The following PCDHA5 variants were observed in gnomAD, a reference collection of about 807,000 sequenced individuals.
The protein encoded by PCDHA5 is protocadherin alpha 5.
In PCDHA5, 43 loss-of-function variants were observed where a neutral mutation model predicts 61.6. The observed-to-expected ratio is 0.70, with a 90% CI of 0.55 to 0.90. PCDHA5 has a LOEUF of 0.90. Among genes scored for constraint, PCDHA5 ranks in the 40% least tolerant of loss-of-function variants. The pLI, the probability that PCDHA5 is intolerant of heterozygous loss-of-function variation, is 0.00. For synonymous variants in PCDHA5, 627 were observed against 543.9 expected, an observed-to-expected ratio of 1.15 and a Z score of -2.13; for missense variants, 1,298 against 1,222.7, an observed-to-expected ratio of 1.06 and a Z score of -0.92.
In PCDHA5 at chr5:140,821,880, G is replaced by A. The variant is rs2150111608; in HGVS notation, c.105G>A (p.Pro35=). ...AGSGQLHYSI[P]EEAKHGTFVG... is the part of the protein sequence containing the mutation. The stretch of plus-strand genomic sequence containing the variant: ...GCGGCCAGCTCCACTACTCGATCCC[G>A]GAGGAAGCCAAACACGGAACCTTCG... The change falls in exon 1 of 4, where the codon CCG becomes CCA. Residue 35 remains proline, a synonymous_variant. Coordinates refer to ENST00000529859, the MANE Select transcript of PCDHA5 (RefSeq NM_018908.3). 2.5e-6 allele frequency: 4 copies of A among 1,614,104 alleles called. No homozygotes were observed. The highest frequency in any genetic ancestry group is 3.4e-6 in the Non-Finnish European group (4 of 1,180,042).
At chr5:140,857,283 T>C in intron 1 of PCDHA5, 1 of 1,598,740 alleles carries the variant, frequency 6.3e-7, no homozygotes, top group Non-Finnish European at 8.6e-7. Context: ...GACAGCGCTC[T>C]GGACCGCGAG....
chr5:140,883,642 C>G (rs200197885), intron 1 of PCDHA5: 55 of 1,613,904 alleles, frequency 3.4e-5, no homozygotes, highest in East Asian at 2.0e-4. Flanking sequence ...TCGCGCAGCC[C>G]GAGTACACGG....
chr5:141,000,805 G>C (rs1049253262), intron 3 of PCDHA5, among the ~76,000 whole-genome samples: 2 of 151,852 alleles, frequency 1.3e-5, no homozygotes, highest in Non-Finnish European at 2.9e-5. Context: ...TACTCAGAAG[G>C]CTGAGGTGGG....
intron 3 of PCDHA5, among the ~76,000 whole-genome samples, chr5:141,002,788 A>G (rs1013908430): frequency 6.6e-6 from 1 of 152,192 alleles, no homozygotes; most frequent in Admixed American, 6.5e-5. Context: ...TCTCCATTTT[A>G]TGGATGAGGA....
At position 140,856,827 on chromosome 5, in the gene PCDHA5, T is replaced by C. The variant is rs1201833720; in HGVS notation, c.2352+32700T>C. 4.4e-6 allele frequency: 7 copies of C among 1,592,096 alleles called. 1 individual carries two copies. The African/African-American group carries it at 5.4e-5, about 12-fold the overall frequency. ...GAAAATCAAGTGAACCAAACATTAG[T>C]AATACGGCTCAACGCTTCTGATTCG... is the stretch of plus-strand genomic sequence containing the variant. On this transcript the variant is annotated intron_variant, in intron 1 of 3. Transcript: ENST00000529859.
intron 1 of PCDHA5, among the ~76,000 whole-genome samples, chr5:140,917,087 C>G (rs1275905052): frequency 6.6e-6 from 1 of 152,100 alleles, no homozygotes; most frequent in Non-Finnish European, 1.5e-5. Flanking sequence ...GTAAAGTTCC[C>G]CAGTTGCTGT....
chr5:140,967,756 C>T (rs1554229911), intron 1 of PCDHA5: 2 of 1,614,216 alleles, frequency 1.2e-6, no homozygotes, highest in Middle Eastern at 1.6e-4. Context: ...AAGCCTCCTC[C>T]TACCAGATCT....
intron 1 of PCDHA5, chr5:140,882,363 A>G: frequency 1.2e-6 from 2 of 1,614,208 alleles, no homozygotes; most frequent in South Asian, 1.1e-5. Context: ...GGCCAGCTCC[A>G]CTACTCCGTC....
intron 1 of PCDHA5, chr5:140,841,911 G>T: frequency 1.2e-6 from 2 of 1,613,886 alleles, no homozygotes; most frequent in Non-Finnish European, 1.7e-6. Context: ...CTCGTATTAA[G>T]AAAATCCTTG....
At chr5:140,873,693 C>T (rs1554166841) in intron 1 of PCDHA5, among the ~76,000 whole-genome samples, 1 of 152,156 alleles carries the variant, frequency 6.6e-6, no homozygotes, top group Non-Finnish European at 1.5e-5. Context: ...TAGAGTCTTG[C>T]TCTATCACCC....
chr5:140,969,148 G>A, intron 1 of PCDHA5: 2 of 1,614,102 alleles, frequency 1.2e-6, no homozygotes, highest in Non-Finnish European at 8.5e-7. Context: ...ACTGCTACAA[G>A]GCCTGTCTGA....
At chr5:140,883,395 A>G (rs892476136) in intron 1 of PCDHA5, 2 of 1,614,048 alleles carry the variant, frequency 1.2e-6, no homozygotes, top group African/African-American at 1.3e-5. Context: ...AGTGTGTCCG[A>G]TCGTGACTCT....
intron 1 of PCDHA5, among the ~76,000 whole-genome samples, chr5:140,911,285 G>C (rs1292114305): frequency 6.6e-6 from 1 of 152,078 alleles, no homozygotes; most frequent in Non-Finnish European, 1.5e-5. Flanking sequence ...GCTTCATCAG[G>C]GTCCTTTTAC....
rs200338376 is a variant in PCDHA5, at chr5:140,927,680, G to C, written c.2353-51269G>C. On this transcript the variant is annotated intron_variant, in intron 1 of 3. Transcript: ENST00000529859. ...GTTCAAGCCTTGGATCCAGATGAAGGGTCCAATGGGGAAGTCCAGTACTCC... is the reference window on the plus strand; with the variant it reads ...GTTCAAGCCTTGGATCCAGATGAAGCGTCCAATGGGGAAGTCCAGTACTCC... The C allele has an allele frequency of 2.2e-5, 36 of 1,614,022 alleles. No individual in the cohort carries two copies. The Admixed American group carries it at 4.5e-4, about 20-fold the overall frequency.
intron 1 of PCDHA5, among the ~76,000 whole-genome samples, chr5:140,833,088 A>G (rs1218866557): frequency 3.3e-5 from 5 of 152,214 alleles, no homozygotes; most frequent in Non-Finnish European, 7.3e-5. Flanking sequence ...TTTGAGTACT[A>G]GACGAGTAAT....
At chr5:140,874,117 T>C (rs1349618614) in intron 1 of PCDHA5, among the ~76,000 whole-genome samples, 2 of 152,248 alleles carry the variant, frequency 1.3e-5, no homozygotes, top group Admixed American at 1.3e-4. Context: ...TAACGTTTTA[T>C]AGTTTATTTA....
At chr5:140,908,728 C>T (rs2074119712) in intron 1 of PCDHA5, among the ~76,000 whole-genome samples, 1 of 152,202 alleles carries the variant, frequency 6.6e-6, no homozygotes, top group Non-Finnish European at 1.5e-5. Context: ...GGTCATATGG[C>T]TCGAGAAACA....
chr5:140,871,369 A>G, intron 1 of PCDHA5: 1 of 1,614,218 alleles, frequency 6.2e-7, no homozygotes. Context: ...GAGGCGGCAG[A>G]GGGTGTGCTC....
Position 140,868,975 on chromosome 5 carries a change from A to G in PCDHA5, c.2352+44848A>G, listed in dbSNP as rs1379610882. 4.1e-6 allele frequency: 6 copies of G among 1,479,060 alleles called. No individual in the cohort carries two copies. The South Asian group carries it at 7.0e-5, about 17-fold the overall frequency. The allele number at this position is 1,479,060 out of a possible 1,614,324, so 91.6% of individuals were successfully genotyped here. A position where few individuals can be genotyped will look rare whatever the true frequency, so the allele number is the denominator to read the frequency against. The stretch of plus-strand genomic sequence containing the variant: ...CACTCCCATACAAAGGAACTCCATC[A>G]TACCGGATGCCACCGTTTAAGGATC... On this transcript the variant is annotated intron_variant, in intron 1 of 3. Transcript: ENST00000529859.
Sources: gnomAD v4.1 joint callset for allele counts (sites outside exome capture counted in the v4.1 genomes callset) on GRCh38, gnomAD v4.1.1 for gene constraint, MANE v1.5 for transcripts, NCBI Gene and HGNC (gene_info 2026-07-23, HGNC 2026-07-21) for gene names.